DESI2: variants seen among roughly 807,000 people sequenced by gnomAD.
DESI2 encodes desumoylating isopeptidase 2.
In DESI2, 10 loss-of-function variants were observed where a neutral mutation model predicts 24.1. The ratio of observed to expected loss-of-function variants is 0.41; its 90% CI spans 0.26 to 0.70. The LOEUF is 0.70. DESI2 is among the 30% of genes least tolerant of loss of function. DESI2 has a pLI of 0.29. For missense variants in DESI2, 122 were observed against 234.9 expected, an observed-to-expected ratio of 0.52 and a Z score of 3.14; for synonymous variants, 71 against 87.7, an observed-to-expected ratio of 0.81 and a Z score of 1.06.
chr1:244,696,601 T>C (rs1052128726), intron 4 of DESI2, among the ~76,000 whole-genome samples: 2 of 152,136 alleles, frequency 1.3e-5, no homozygotes, highest in Non-Finnish European at 2.9e-5. Flanking sequence ...GCCTGGGTGA[T>C]AGGGCAAGAT....
At chr1:244,683,156 G>A (rs919768055) in intron 1 of DESI2, among the ~76,000 whole-genome samples, 4 of 152,178 alleles carry the variant, frequency 2.6e-5, no homozygotes, top group African/African-American at 9.7e-5. Context: ...TGGAGGATGA[G>A]GAACCTGACC....
chr1:244,668,456 T>C (rs1676125743), intron 1 of DESI2, among the ~76,000 whole-genome samples: 1 of 152,208 alleles, frequency 6.6e-6, no homozygotes, highest in African/African-American at 2.4e-5. Context: ...ATGTCTTCTT[T>C]TCCCTGAGCA....
chr1:244,704,163 G>A (rs1449778185), intron 4 of DESI2, among the ~76,000 whole-genome samples: 1 of 152,194 alleles, frequency 6.6e-6, no homozygotes, highest in African/African-American at 2.4e-5. Flanking sequence ...GGTACACGTT[G>A]TATAATTATA....
At chr1:244,654,420 T>G (rs866356819) in intron 1 of DESI2, among the ~76,000 whole-genome samples, 5 of 152,212 alleles carry the variant, frequency 3.3e-5, no homozygotes, top group South Asian at 4.1e-4. Context: ...TATTCCCTTG[T>G]ATTATTTATA....
intron 4 of DESI2, among the ~76,000 whole-genome samples, chr1:244,704,138 CT>C (rs966821974): frequency 1.3e-5 from 2 of 152,118 alleles, no homozygotes; most frequent in Non-Finnish European, 2.9e-5. Context: ...TAGGGCTAAA[CT>C]TTTAGGGAGA....
intron 1 of DESI2, among the ~76,000 whole-genome samples, chr1:244,673,433 A>G (rs1676313060): frequency 1.3e-5 from 2 of 152,258 alleles, no homozygotes; most frequent in South Asian, 4.1e-4. Context: ...ACCAAAATAC[A>G]TATTTAGAAT....
chr1:244,675,158 G>A (rs778697492), intron 1 of DESI2, among the ~76,000 whole-genome samples: 1 of 151,940 alleles, frequency 6.6e-6, no homozygotes, highest in African/African-American at 2.4e-5. Context: ...TATGTGTCTC[G>A]TTGAGTTCTA....
chr1:244,668,814 C>A (rs1676138215), intron 1 of DESI2, among the ~76,000 whole-genome samples: 1 of 152,126 alleles, frequency 6.6e-6, no homozygotes, highest in Non-Finnish European at 1.5e-5. Flanking sequence ...GTAAACAATA[C>A]TTTAAAATAA....
At chr1:244,680,475 A>G (rs1241509937) in intron 1 of DESI2, among the ~76,000 whole-genome samples, 9 of 151,930 alleles carry the variant, frequency 5.9e-5, no homozygotes, top group African/African-American at 2.2e-4. Flanking sequence ...AATGTCTCAT[A>G]GTCCAGACTT....
intron 1 of DESI2, among the ~76,000 whole-genome samples, chr1:244,670,892 T>C (rs1421310454): frequency 6.6e-6 from 1 of 152,256 alleles, no homozygotes; most frequent in African/African-American, 2.4e-5. Context: ...ACTTGGATAA[T>C]CTTTTTTAAA....
chr1:244,655,049 A>G (rs1675600015), intron 1 of DESI2, among the ~76,000 whole-genome samples: 1 of 152,208 alleles, frequency 6.6e-6, no homozygotes, highest in Non-Finnish European at 1.5e-5. Flanking sequence ...GGGCTTCTTT[A>G]CACTTGAGGC....
At chr1:244,682,076 A>G (rs1274731706) in intron 1 of DESI2, among the ~76,000 whole-genome samples, 1 of 152,202 alleles carries the variant, frequency 6.6e-6, no homozygotes, top group Non-Finnish European at 1.5e-5. Flanking sequence ...TCAGTGTTAC[A>G]GCTCATAAAG....
In DESI2 at chr1:244,689,069, G is replaced by C. The variant is rs961270443; in HGVS notation, c.116-180G>C. Among the ~76,000 whole-genome samples the C allele has an allele frequency of 2.0e-5, 3 of 152,102 alleles. No homozygotes were observed. The highest frequency in any genetic ancestry group is 7.2e-5 in the African/African-American group (3 of 41,416). ...GAGTGTCTTCTGTTATTTGAGTTTC[G>C]GGTCTTTTGTGACAACTGTTTATAC... On this transcript the variant is annotated intron_variant, in intron 2 of 4. Coordinates refer to ENST00000302550, the MANE Select transcript of DESI2 (RefSeq NM_016076.5). The surrounding 1 kb of genome is among the most constrained non-coding windows in gnomAD (Gnocchi z 4.0).
In DESI2 at chr1:244,707,469, A is replaced by G. The variant is rs904328356; in HGVS notation, c.*1680A>G. The G allele has an allele frequency of 9.2e-5, 14 of 152,622 alleles. No individual in the cohort carries two copies. The highest frequency in any genetic ancestry group is 3.9e-4 in the Admixed American group (6 of 15,276). 9.5% of individuals were successfully genotyped at this position (152,622 alleles called of 1,614,324 possible). On this transcript the variant is annotated 3_prime_UTR_variant, in exon 5 of 5. Coordinates refer to ENST00000302550, the MANE Select transcript of DESI2 (RefSeq NM_016076.5). ...CTTTAGGGGCAGAAGGCTTGTTTCA[A>G]GAGGTTTGACAGAAGAAAGGAATAT...
At chr1:244,681,884 T>C (rs917713302) in intron 1 of DESI2, among the ~76,000 whole-genome samples, 1 of 152,194 alleles carries the variant, frequency 6.6e-6, no homozygotes, top group Non-Finnish European at 1.5e-5. Flanking sequence ...TTCCTTCCGG[T>C]GGGTTCTTGG....
At chr1:244,684,046 A>G (rs1251581371) in intron 1 of DESI2, among the ~76,000 whole-genome samples, 1 of 151,980 alleles carries the variant, frequency 6.6e-6, no homozygotes, top group African/African-American at 2.4e-5. Context: ...CATTATATAG[A>G]TATATCATAG....
chr1:244,697,391 C>A lies in DESI2; in HGVS notation c.351+5371C>A, dbSNP rs555321031. On this transcript the variant is annotated intron_variant, in intron 4 of 4. Coordinates refer to ENST00000302550, the MANE Select transcript of DESI2 (RefSeq NM_016076.5). Reference sequence around the variant, plus strand: ...CTGGTGTGTGGCACACACCTGTAATCCCAGCTACTCAGGAGGTGGAAGTTA... The same window carrying A: ...CTGGTGTGTGGCACACACCTGTAATACCAGCTACTCAGGAGGTGGAAGTTA... 2.6e-5 allele frequency among the ~76,000 whole-genome samples: 4 copies of A among 151,394 alleles called. No homozygotes were observed. In the South Asian group the frequency reaches 8.3e-4, roughly 32 times the overall value.
chr1:244,669,147 C>T (rs956679498), intron 1 of DESI2, among the ~76,000 whole-genome samples: 7 of 151,784 alleles, frequency 4.6e-5, no homozygotes, highest in Non-Finnish European at 5.9e-5. Flanking sequence ...GACTATGCAC[C>T]GCCACACCCG....
Position 244,686,672 on chromosome 1 carries a change from A to C in DESI2, c.115+3A>C. The stretch of plus-strand genomic sequence containing the variant: ...AGGAATTGAAGTCTATGGCAGAGGT[A>C]CGTGTACACACAGTCTAAATATACT... On this transcript the variant is annotated splice_donor_region_variant and intron_variant, in intron 2 of 4. Coordinates refer to ENST00000302550, the MANE Select transcript of DESI2 (RefSeq NM_016076.5). 6.3e-7 allele frequency: 1 copy of C among 1,575,330 alleles called. No individual in the cohort carries two copies. Among genetic ancestry groups the C allele is most frequent in the Non-Finnish European group, 8.7e-7 (1 of 1,144,526 alleles).
Sources: gnomAD v4.1 joint callset for allele counts (sites outside exome capture counted in the v4.1 genomes callset) on GRCh38, gnomAD v4.1.1 for gene constraint, Gnocchi (gnomAD v3.1) non-coding constraint, MANE v1.5 for transcripts, NCBI Gene and HGNC (gene_info 2026-07-23, HGNC 2026-07-21) for gene names.